COL5A2: variants seen among roughly 807,000 people sequenced by gnomAD.
COL5A2 encodes collagen type V alpha 2 chain.
A neutral mutation model predicts 208.2 loss-of-function variants in COL5A2; 23 were observed. That is an observed-to-expected ratio of 0.11 (90% confidence interval 0.08 to 0.16). COL5A2 has a LOEUF of 0.16. Ranked by LOEUF, COL5A2 falls within the 10% of genes least tolerant of loss-of-function variation. The pLI is 1.00. For synonymous variants in COL5A2, 625 were observed against 628.5 expected (o/e 0.99, Z 0.08); for missense variants, 1,590 against 1,956.4 (o/e 0.81, Z 3.53).
At chr2:189,331,897 C>T in the COL5A2 span, among the ~76,000 whole-genome samples, 6 of 146,558 alleles carry the variant, frequency 4.1e-5, no homozygotes, top group South Asian at 2.2e-4. Context: ...TTGCAGTGAG[C>T]GGAGATTGTG....
the COL5A2 span, among the ~76,000 whole-genome samples, chr2:189,308,860 T>A: frequency 6.6e-6 from 1 of 152,118 alleles, no homozygotes; most frequent in Admixed American, 6.6e-5. Flanking sequence ...CCCTAAAACA[T>A]ATAAAACCAA....
chr2:189,389,928 A>C, the COL5A2 span, among the ~76,000 whole-genome samples: 1 of 152,276 alleles, frequency 6.6e-6, no homozygotes, highest in African/African-American at 2.4e-5. Context: ...ACATTCCACC[A>C]ACATATTTTC....
chr2:189,307,644 G>A, the COL5A2 span, among the ~76,000 whole-genome samples: 4 of 152,172 alleles, frequency 2.6e-5, no homozygotes, highest in Non-Finnish European at 4.4e-5. Context: ...TGCATTCTCA[G>A]AAAGTCAGGT....
intron 47 of COL5A2, among the ~76,000 whole-genome samples, chr2:189,044,034 G>A (rs2153507131): frequency 6.6e-6 from 1 of 152,214 alleles, no homozygotes; most frequent in South Asian, 2.1e-4. Flanking sequence ...TTAAGTCCTG[G>A]GAAATTAAAA....
At chr2:189,111,242 G>T (rs1486996372) in intron 1 of COL5A2, among the ~76,000 whole-genome samples, 1 of 152,084 alleles carries the variant, frequency 6.6e-6, no homozygotes, top group African/African-American at 2.4e-5. Flanking sequence ...ATGTGTGTGT[G>T]TGTGTACACA....
chr2:189,082,551 T>C (rs1686558610), intron 12 of COL5A2, among the ~76,000 whole-genome samples: 1 of 152,224 alleles, frequency 6.6e-6, no homozygotes, highest in East Asian at 1.9e-4. Flanking sequence ...CTGAGCTATG[T>C]TATTTCAAAT....
chr2:189,358,632 A>G, the COL5A2 span, among the ~76,000 whole-genome samples: 1 of 152,172 alleles, frequency 6.6e-6, no homozygotes, highest in African/African-American at 2.4e-5. Flanking sequence ...GTTTTGACAA[A>G]TATTACAATG....
At chr2:189,215,505 T>C (rs1460466532) in intron 1 of COL5A2, among the ~76,000 whole-genome samples, 2 of 152,158 alleles carry the variant, frequency 1.3e-5, no homozygotes, top group African/African-American at 4.8e-5. Flanking sequence ...TACTTTGATA[T>C]ATTGGATTAA....
chr2:189,164,545 T>A (rs914840693), intron 1 of COL5A2, among the ~76,000 whole-genome samples: 1 of 152,176 alleles, frequency 6.6e-6, no homozygotes, highest in African/African-American at 2.4e-5. Flanking sequence ...TTTATTTCTA[T>A]GGAGAGTCTT....
intron 1 of COL5A2, among the ~76,000 whole-genome samples, chr2:189,191,153 A>AG: frequency 1.9e-5 from 1 of 53,294 alleles, no homozygotes; most frequent in South Asian, 7.5e-4. Context: ...AAAAAAAAAC[A>AG]AAAAACAAAC....
At chr2:189,105,334 A>G (rs1687128592) in intron 2 of COL5A2, among the ~76,000 whole-genome samples, 1 of 151,682 alleles carries the variant, frequency 6.6e-6, no homozygotes, top group South Asian at 2.1e-4. Context: ...AATAATGGAC[A>G]CATTTCCCCA....
chr2:189,311,798 T>G, the COL5A2 span: 1 of 952,900 alleles, frequency 1.0e-6, no homozygotes, highest in Non-Finnish European at 1.7e-6. Flanking sequence ...TGGACCTGGA[T>G]GTCTGAAATG....
At chr2:189,053,979 C>T (rs369023017) in intron 36 of COL5A2, 31 bp from the exon 37 acceptor site, 1 of 1,602,078 alleles carries the variant, frequency 6.2e-7, no homozygotes, top group Non-Finnish European at 8.5e-7. Flanking sequence ...GGTTACTGTC[C>T]AAAACAGTAG....
chr2:189,183,559 T>C (rs1415264343), upstream of COL5A2, among the ~76,000 whole-genome samples: 3 of 152,136 alleles, frequency 2.0e-5, no homozygotes, highest in Non-Finnish European at 4.4e-5. Context: ...GAATCCAAAA[T>C]GAAACTATTA....
intron 12 of COL5A2, among the ~76,000 whole-genome samples, chr2:189,082,849 A>G (rs1030473131): frequency 2.6e-5 from 4 of 152,218 alleles, no homozygotes; most frequent in Non-Finnish European, 5.9e-5. Flanking sequence ...TGAAAAGGAC[A>G]TCTGTGCTAA....
At chr2:189,153,499 C>G (rs780212374) in intron 1 of COL5A2, among the ~76,000 whole-genome samples, 2 of 152,150 alleles carry the variant, frequency 1.3e-5, no homozygotes, top group Admixed American at 1.3e-4. Context: ...ATCTAACAAG[C>G]ATATTAGCCA....
chr2:189,142,458 A>G (rs931958927), intron 1 of COL5A2, among the ~76,000 whole-genome samples: 1 of 152,184 alleles, frequency 6.6e-6, no homozygotes, highest in African/African-American at 2.4e-5. Context: ...TACTATACAT[A>G]GACTTAATAA....
At chr2:189,195,088 A>G (rs1039032831) in intron 1 of COL5A2, among the ~76,000 whole-genome samples, 2 of 152,176 alleles carry the variant, frequency 1.3e-5, no homozygotes, top group Non-Finnish European at 2.9e-5. Flanking sequence ...CTCAGCCCCA[A>G]AACTCCTTAA....
the COL5A2 span, among the ~76,000 whole-genome samples, chr2:189,430,490 A>C: frequency 6.6e-6 from 1 of 152,198 alleles, no homozygotes; most frequent in Non-Finnish European, 1.5e-5. Flanking sequence ...ACTCCTGGCC[A>C]AATACTGTGC....
Sources: allele counts gnomAD v4.1 joint callset (sites outside exome capture counted in the v4.1 genomes callset), GRCh38; gene constraint gnomAD v4.1.1; transcripts MANE v1.5; gene names NCBI Gene and HGNC (gene_info 2026-07-23, HGNC 2026-07-21).